TBC1D32: variants seen among roughly 807,000 people sequenced by gnomAD.
TBC1D32 encodes TBC1 domain family member 32, also known as protein broad-minded.
Under a neutral mutation model 170.3 loss-of-function variants are expected in TBC1D32, and 151 were observed. That is an observed-to-expected ratio of 0.89 (90% confidence interval 0.78 to 1.01). The LOEUF is 1.01. Among genes scored for constraint, TBC1D32 ranks in the 50% least tolerant of loss-of-function variants. The pLI is 0.00. For synonymous variants in TBC1D32, 498 were observed against 488.0 expected (o/e 1.02, Z -0.27); for missense variants, 1,464 against 1,457.1 (o/e 1.00, Z -0.08).
chr6:121,153,335 C>T (rs1242702495), intron 24 of TBC1D32, among the ~76,000 whole-genome samples: 1 of 152,186 alleles, frequency 6.6e-6, no homozygotes, highest in Non-Finnish European at 1.5e-5. Context: ...TGCAGAACAG[C>T]AAAGATTGCT....
chr6:121,232,203 T>C (rs1484022135), intron 20 of TBC1D32, among the ~76,000 whole-genome samples: 4 of 152,176 alleles, frequency 2.6e-5, no homozygotes, highest in African/African-American at 7.2e-5. Flanking sequence ...CTTTATGTTT[T>C]TGTTTACTTT....
intron 22 of TBC1D32, among the ~76,000 whole-genome samples, chr6:121,195,869 C>A (rs1262277948): frequency 6.6e-6 from 1 of 152,146 alleles, no homozygotes; most frequent in East Asian, 1.9e-4. Context: ...GGCAGAACTT[C>A]GAGCAGTGCA....
intron 20 of TBC1D32, among the ~76,000 whole-genome samples, 173 bp from the exon 21 acceptor site, chr6:121,223,525 C>A (rs1168583979): frequency 2.0e-5 from 3 of 152,090 alleles, no homozygotes; most frequent in African/African-American, 7.2e-5. Context: ...TTAACATGCA[C>A]AGCAATAATC....
chr6:121,157,398 T>G (rs1785042501), intron 24 of TBC1D32, among the ~76,000 whole-genome samples: 1 of 152,172 alleles, frequency 6.6e-6, no homozygotes, highest in Non-Finnish European at 1.5e-5. Context: ...TGAGTGCCAT[T>G]ACATGTGAGA....
chr6:121,103,419 T>C (rs1778350627), intron 30 of TBC1D32, among the ~76,000 whole-genome samples: 2 of 151,454 alleles, frequency 1.3e-5, no homozygotes, highest in African/African-American at 4.9e-5. Context: ...AAAGGATGAG[T>C]TCATGTCCTT....
At chr6:121,279,270 C>A in intron 14 of TBC1D32, 25 bp from the exon 15 acceptor site, 2 of 1,594,530 alleles carry the variant, frequency 1.3e-6, no homozygotes, top group South Asian at 2.3e-5. Flanking sequence ...GAAAACAAGA[C>A]AAATCACATA....
At chr6:121,256,025 G>C (rs1798953253) in intron 16 of TBC1D32, 59 bp downstream of exon 16, 2 of 1,413,738 alleles carry the variant, frequency 1.4e-6, no homozygotes, top group Admixed American at 4.0e-5. Flanking sequence ...CACTATAATG[G>C]TGCTTATATT....
At chr6:121,201,839 A>G (rs1791606489) in intron 22 of TBC1D32, among the ~76,000 whole-genome samples, 1 of 151,264 alleles carries the variant, frequency 6.6e-6, no homozygotes, top group Non-Finnish European at 1.5e-5. Context: ...ATTATATTTA[A>G]TTTTCTGCAT....
chr6:121,172,855 T>C (rs1787243692), intron 22 of TBC1D32, among the ~76,000 whole-genome samples: 1 of 152,152 alleles, frequency 6.6e-6, no homozygotes, highest in Non-Finnish European at 1.5e-5. Context: ...TGGGGATTGG[T>C]GTGTTTCCGG....
chr6:121,216,374 T>C (rs1433185262), intron 21 of TBC1D32, among the ~76,000 whole-genome samples: 2 of 152,152 alleles, frequency 1.3e-5, no homozygotes, highest in Non-Finnish European at 2.9e-5. Flanking sequence ...ATATTTAATA[T>C]ACTCCCCTCT....
intron 3 of TBC1D32, among the ~76,000 whole-genome samples, chr6:121,314,784 T>C (rs551726704): frequency 2.0e-5 from 3 of 152,220 alleles, no homozygotes; most frequent in Non-Finnish European, 2.9e-5. Flanking sequence ...GGCCCAGAGA[T>C]GTTCAGTTTG....
intron 22 of TBC1D32, among the ~76,000 whole-genome samples, chr6:121,182,045 A>C (rs1447222588): frequency 6.6e-6 from 1 of 152,132 alleles, no homozygotes; most frequent in Non-Finnish European, 1.5e-5. Flanking sequence ...TATGACATAT[A>C]AATGTAAAAA....
chr6:121,233,829 A>T (rs1168759284), intron 20 of TBC1D32, among the ~76,000 whole-genome samples: 1 of 151,952 alleles, frequency 6.6e-6, no homozygotes, highest in Non-Finnish European at 1.5e-5. Flanking sequence ...TTCTTTAAGG[A>T]TGTTCTATTT....
chr6:121,310,518 C>T (rs1303993148), intron 4 of TBC1D32, among the ~76,000 whole-genome samples: 4 of 152,110 alleles, frequency 2.6e-5, no homozygotes, highest in Non-Finnish European at 4.4e-5. Flanking sequence ...GGGACAACTG[C>T]CTATAACTTT....
At chr6:121,150,523 A>C (rs1257563636) in intron 24 of TBC1D32, among the ~76,000 whole-genome samples, 2 of 152,114 alleles carry the variant, frequency 1.3e-5, no homozygotes, top group African/African-American at 4.8e-5. Flanking sequence ...TCATGAAATG[A>C]GTTGGGGAGG....
At position 121,173,920 on chromosome 6, in the gene TBC1D32, T is replaced by TAA. The variant is rs34568075; in HGVS notation, c.2571-12866_2571-12865dup. ...CATACAAAGGTGCTATAAGAAAAAA[T>TAA]AAAAAAAAAAGATAAAAAGATGGAA... On this transcript the variant is annotated intron_variant, in intron 22 of 31. Transcript: ENST00000398212. 7.3e-4 allele frequency among the ~76,000 whole-genome samples: 108 copies of TAA among 147,752 alleles called. 2 individuals carry two copies. The highest frequency in any genetic ancestry group is 7.0e-3 in the Middle Eastern group (2 of 286).
intron 4 of TBC1D32, 45 bp downstream of exon 4, chr6:121,310,734 A>G: frequency 8.3e-7 from 1 of 1,207,748 alleles, no homozygotes; most frequent in African/African-American, 1.5e-5. Flanking sequence ...TATATTGTAA[A>G]TGTATGTTAT....
chr6:121,127,636 C>T (rs1479533779), intron 25 of TBC1D32, among the ~76,000 whole-genome samples: 1 of 152,086 alleles, frequency 6.6e-6, no homozygotes, highest in Non-Finnish European at 1.5e-5. Flanking sequence ...GAGAGCATTT[C>T]AATTCTATGT....
chr6:121,083,369 G>A (rs1268115862), intron 31 of TBC1D32, among the ~76,000 whole-genome samples: 5 of 151,912 alleles, frequency 3.3e-5, no homozygotes, highest in East Asian at 1.9e-4. Context: ...ATTGCATTTC[G>A]TTTGTTGTAT....
Sources: allele counts gnomAD v4.1 joint callset (sites outside exome capture counted in the v4.1 genomes callset), GRCh38; gene constraint gnomAD v4.1.1; transcripts MANE v1.5; gene names NCBI Gene and HGNC (gene_info 2026-07-23, HGNC 2026-07-21).